Variants in TTC28 observed in about 807,000 individuals in gnomAD.
TTC28 encodes tetratricopeptide repeat domain 28, also known as tetratricopeptide repeat protein 28.
Under a neutral mutation model 198.0 loss-of-function variants are expected in TTC28, and 61 were observed. That is an observed-to-expected ratio of 0.31 (90% CI 0.25 to 0.38). The LOEUF (loss-of-function observed/expected upper bound fraction) is 0.38, where lower values mean the gene tolerates loss of function less well. Ranked by LOEUF, TTC28 falls within the 10% of genes least tolerant of loss-of-function variation. TTC28 has a pLI of 1.00. For synonymous variants in TTC28, 1,171 were observed against 1,297.8 expected (o/e 0.90, Z 2.10); for missense variants, 2,678 against 3,164.0 (o/e 0.85, Z 3.69).
intron 2 of TTC28, among the ~76,000 whole-genome samples, chr22:28,384,596 G>T (rs2046546213): frequency 6.6e-6 from 1 of 152,204 alleles, no homozygotes; most frequent in Non-Finnish European, 1.5e-5. Context: ...AATACGTGGT[G>T]ATGAAACGAA....
intron 2 of TTC28, among the ~76,000 whole-genome samples, chr22:28,495,232 G>C (rs2048437899): frequency 1.3e-5 from 2 of 152,232 alleles, no homozygotes; most frequent in South Asian, 4.1e-4. Flanking sequence ...TGTCCATTAA[G>C]TAACCTGCAC....
At chr22:28,387,002 C>T (rs1179708971) in intron 2 of TTC28, among the ~76,000 whole-genome samples, 4 of 152,024 alleles carry the variant, frequency 2.6e-5, no homozygotes. Context: ...ACTCCCCCAC[C>T]CCCAAAACAG....
intron 6 of TTC28, among the ~76,000 whole-genome samples, chr22:28,146,881 C>A (rs934158441): frequency 6.6e-6 from 1 of 151,750 alleles, no homozygotes; most frequent in Non-Finnish European, 1.5e-5. Flanking sequence ...CACATAACAA[C>A]AAAGCATTTA....
At chr22:28,033,733 A>G (rs548212478) in intron 12 of TTC28, among the ~76,000 whole-genome samples, 6 of 152,302 alleles carry the variant, frequency 3.9e-5, no homozygotes, top group African/African-American at 1.4e-4. Flanking sequence ...ACTATTCCCA[A>G]ATCCTGGGAG....
chr22:28,222,368 A>C (rs1043898732), intron 5 of TTC28, among the ~76,000 whole-genome samples: 1 of 152,032 alleles, frequency 6.6e-6, no homozygotes, highest in Non-Finnish European at 1.5e-5. Flanking sequence ...TAACCCAGAA[A>C]ACCTACACGA....
intron 2 of TTC28, among the ~76,000 whole-genome samples, chr22:28,407,761 C>T (rs552609531): frequency 3.9e-5 from 6 of 152,280 alleles, no homozygotes; most frequent in African/African-American, 1.2e-4. Flanking sequence ...TAGAATCACT[C>T]GCTGACAAAT....
rs1372190927 is a variant in TTC28, at chr22:27,982,897, A to G, written c.6770T>C (p.Met2257Thr). Residue 2257 changes from methionine (M) to threonine (T), a missense_variant, in exon 23 of 23, where the codon ATG becomes ACG. This residue lies in a region of TTC28 where 622 missense variants were observed against 656.0 expected (regional missense o/e 0.95). Transcript: ENST00000397906. This position sits in a 1 kb window ranked among gnomAD's most constrained non-coding sequence, Gnocchi z 5.2. ...SGYSSPTTSE[M>T]SIKDSPSQHS... ...CTGGCTCGGGCTGTCTTTGATGGACATCTCTGAGGTGGTGGGGCTGCTATA... is the reference window on the plus strand; with the variant it reads ...CTGGCTCGGGCTGTCTTTGATGGACGTCTCTGAGGTGGTGGGGCTGCTATA... 2 of 1,551,320 alleles carry G rather than the reference A, an allele frequency of 1.3e-6. No homozygotes were observed. The highest frequency in any genetic ancestry group is 1.7e-6 in the Non-Finnish European group (2 of 1,146,760).
At chr22:28,174,047 C>T (rs1922931169) in intron 5 of TTC28, among the ~76,000 whole-genome samples, 1 of 152,138 alleles carries the variant, frequency 6.6e-6, no homozygotes, top group South Asian at 2.1e-4. Flanking sequence ...GTATTCTCTG[C>T]CAGTTCAGCG....
chr22:28,661,281 T>A (rs2051742580), intron 1 of TTC28, among the ~76,000 whole-genome samples: 1 of 152,020 alleles, frequency 6.6e-6, no homozygotes, highest in South Asian at 2.1e-4. Context: ...CGAAACTCCA[T>A]CTCAGAAAAA....
intron 2 of TTC28, among the ~76,000 whole-genome samples, chr22:28,605,384 A>T (rs1365259577): frequency 6.6e-6 from 1 of 152,248 alleles, no homozygotes; most frequent in African/African-American, 2.4e-5. Flanking sequence ...AATACCTAAT[A>T]GAAAAGTTAC....
At chr22:28,293,877 G>T (rs962799668) in intron 5 of TTC28, among the ~76,000 whole-genome samples, 9 of 152,114 alleles carry the variant, frequency 5.9e-5, no homozygotes, top group Admixed American at 5.2e-4. Context: ...TAAACAGGAG[G>T]AACAACTCAG....
chr22:28,256,860 A>AAG (rs1197614903), intron 5 of TTC28, among the ~76,000 whole-genome samples: 1 of 152,166 alleles, frequency 6.6e-6, no homozygotes, highest in African/African-American at 2.4e-5. Context: ...GCAACAGAGC[A>AAG]AGATGCCATC....
Position 27,993,527 on chromosome 22 carries a change from G to A in TTC28, c.5245-9C>T. The stretch of plus-strand genomic sequence containing the variant: ...TGCAGGGATTTCTCCACCTGAGGGG[G>A]AATTGGGGGTGAGTCAGAGACCCAG... On this transcript the variant is annotated splice_polypyrimidine_tract_variant and intron_variant, in intron 17 of 22. Coordinates refer to ENST00000397906, the MANE Select transcript of TTC28 (RefSeq NM_001145418.2). 1 of 1,535,462 alleles carries A rather than the reference G, an allele frequency of 6.5e-7. No individual in the cohort carries two copies. Among genetic ancestry groups the A allele is most frequent in the East Asian group, 2.5e-5 (1 of 40,598 alleles).
chr22:28,120,083 A>G (rs898862123), intron 6 of TTC28, among the ~76,000 whole-genome samples: 1 of 152,144 alleles, frequency 6.6e-6, no homozygotes, highest in Non-Finnish European at 1.5e-5. Flanking sequence ...TAATAATAAA[A>G]AACAGTAGTA....
intron 5 of TTC28, among the ~76,000 whole-genome samples, chr22:28,293,260 C>T (rs2044821838): frequency 6.6e-6 from 1 of 152,152 alleles, no homozygotes. Context: ...CACACAGACA[C>T]ATACATATAT....
intron 2 of TTC28, among the ~76,000 whole-genome samples, chr22:28,515,506 C>T (rs1174391635): frequency 6.6e-6 from 1 of 152,200 alleles, no homozygotes; most frequent in African/African-American, 2.4e-5. Flanking sequence ...TGCTTCACAG[C>T]ATGCTGTTTG....
At chr22:28,413,616 GAAA>G (rs999140341) in intron 2 of TTC28, among the ~76,000 whole-genome samples, 1 of 152,058 alleles carries the variant, frequency 6.6e-6, no homozygotes, top group African/African-American at 2.4e-5. Flanking sequence ...TTTTGCTATA[GAAA>G]AACATAACTT....
At chr22:27,986,619 TA>T (rs1249279885) in intron 21 of TTC28, among the ~76,000 whole-genome samples, 2 of 152,168 alleles carry the variant, frequency 1.3e-5, no homozygotes, top group Non-Finnish European at 2.9e-5. Context: ...CTCACAGTGT[TA>T]AAGTAAGGGG....
At position 28,196,389 on chromosome 22, in the gene TTC28, A is replaced by C. The variant is rs565156896; in HGVS notation, c.934-32790T>G. Among the ~76,000 whole-genome samples the C allele has an allele frequency of 3.3e-5, 5 of 152,320 alleles. No homozygotes were observed. In the East Asian group the frequency reaches 7.7e-4, roughly 23 times the overall value. On this transcript the variant is annotated intron_variant, in intron 5 of 22. Transcript: ENST00000397906. ...GGACATAGGCATGGCCAAGGACTTCATGTCTAAAACACCAAAAGTAATGGC... is the reference window on the plus strand; with the variant it reads ...GGACATAGGCATGGCCAAGGACTTCCTGTCTAAAACACCAAAAGTAATGGC...
Sources: gnomAD v4.1 joint callset for allele counts (sites outside exome capture counted in the v4.1 genomes callset) on GRCh38, gnomAD v4.1.1 for gene constraint, gnomAD v4.1.1 regional missense constraint, Gnocchi (gnomAD v3.1) non-coding constraint, MANE v1.5 for transcripts, NCBI Gene and HGNC (gene_info 2026-07-23, HGNC 2026-07-21) for gene names.